The following GAK variants were observed in gnomAD, a reference collection of about 807,000 sequenced individuals.
The protein encoded by GAK is cyclin G associated kinase.
GAK carries 79 observed loss-of-function variants against 143.9 expected under a neutral mutation model. The ratio of observed to expected loss-of-function variants is 0.55; its 90% CI spans 0.46 to 0.66. The LOEUF (loss-of-function observed/expected upper bound fraction) is 0.66. GAK is among the 30% of genes least tolerant of loss of function. The probability of loss-of-function intolerance (pLI) is 0.00; values close to 1 mark genes in which losing one functional copy is unlikely to be tolerated. For missense variants in GAK, 1,693 were observed against 1,779.7 expected (o/e 0.95, Z 0.88); for synonymous variants, 881 against 765.5 (o/e 1.15, Z -2.49).
rs901687915 is a variant in GAK at position 883,209 on chromosome 4, C to T, written c.1404+106G>A. The T allele has an allele frequency of 4.6e-5, 63 of 1,356,308 alleles. No individual in the cohort carries two copies. The Admixed American group carries it at 6.4e-4, about 14-fold the overall frequency. 84.0% of individuals were successfully genotyped at this position (1,356,308 alleles called of 1,614,324 possible). A position where few individuals can be genotyped will look rare whatever the true frequency, so the allele number is the denominator to read the frequency against. On this transcript the variant is annotated intron_variant, in intron 13 of 27. Coordinates refer to ENST00000314167, the MANE Select transcript of GAK (RefSeq NM_005255.4). ...TGCAGCCCCTCAGGAGACCTCCGGC[C>T]GCCCCCATCACAGCCCCACCCTGGC... is the stretch of plus-strand genomic sequence containing the variant.
At chr4:851,323 T>G in intron 25 of GAK, 1 of 451,740 alleles carries the variant, frequency 2.2e-6, no homozygotes, top group Non-Finnish European at 4.1e-6. Flanking sequence ...CTTGAACTCC[T>G]GGGCTCCAGC....
At chr4:902,705 G>A (rs181479780) in intron 5 of GAK, among the ~76,000 whole-genome samples, 1 of 151,170 alleles carries the variant, frequency 6.6e-6, no homozygotes, top group Non-Finnish European at 1.5e-5. Context: ...TAATGGAGAA[G>A]CCTCACAACG....
chr4:903,266 C>T (rs372132170), intron 5 of GAK, among the ~76,000 whole-genome samples: 28 of 151,766 alleles, frequency 1.8e-4, no homozygotes, highest in African/African-American at 5.6e-4. Context: ...GCCCACATCA[C>T]GCCAACCCCG....
chr4:882,834 C>A lies in GAK; in HGVS notation c.1405-15G>T. 1 of 1,605,006 alleles carries A rather than the reference C, an allele frequency of 6.2e-7. No homozygotes were observed. Among genetic ancestry groups the A allele is most frequent in the South Asian group, 1.1e-5 (1 of 90,886 alleles). The stretch of plus-strand genomic sequence containing the variant: ...CACTCGGAGACCTGTGGGGACAGGG[C>A]ACGGTGGCACGGACGGCAGAGGAGC... On this transcript the variant is annotated splice_polypyrimidine_tract_variant and intron_variant, in intron 13 of 27. Coordinates refer to ENST00000314167, the MANE Select transcript of GAK (RefSeq NM_005255.4).
At chr4:919,951 G>A (rs1375131792) in intron 1 of GAK, among the ~76,000 whole-genome samples, 4 of 152,164 alleles carry the variant, frequency 2.6e-5, no homozygotes, top group Admixed American at 6.5e-5. Flanking sequence ...AGGAGTTTGA[G>A]GCTGCAGTGA....
At chr4:920,299 G>A (rs1455668171) in intron 1 of GAK, among the ~76,000 whole-genome samples, 1 of 147,872 alleles carries the variant, frequency 6.8e-6, no homozygotes, top group Non-Finnish European at 1.5e-5. Context: ...CAGAGCAAAA[G>A]TCCATCTCAA....
rs139051032 is a variant in GAK at position 867,184 on chromosome 4, C to T, written c.2644G>A (p.Asp882Asn). The change falls in exon 21 of 28, where the codon GAC becomes AAC. Residue 882 changes from aspartate to asparagine, a missense_variant. Coordinates refer to ENST00000314167, the MANE Select transcript of GAK (RefSeq NM_005255.4). Reference sequence around the variant, plus strand: ...ACCTCGGAGTGCAGGCCCAGGAGGTCGACCCCGTCTTCCTGTGGCACAGGC... The same window carrying T: ...ACCTCGGAGTGCAGGCCCAGGAGGTTGACCCCGTCTTCCTGTGGCACAGGC... ...PEPVPQEDGV[D>N]LLGLHSEVGA... The T allele has an allele frequency of 9.3e-6, 15 of 1,608,868 alleles. No homozygotes were observed. Among genetic ancestry groups the T allele is most frequent in the Admixed American group, 3.4e-5 (2 of 59,618 alleles).
Position 911,683 on chromosome 4 carries a change from C to T in GAK, c.372G>A (p.Glu124=), listed in dbSNP as rs779805143. 51 of 1,613,056 alleles carry T rather than the reference C, an allele frequency of 3.2e-5. No individual in the cohort carries two copies. The highest frequency in any genetic ancestry group is 2.6e-4 in the South Asian group (24 of 91,062). The change falls in exon 4 of 28, where the codon GAG becomes GAA. Residue 124 remains glutamate, a synonymous_variant. Coordinates refer to ENST00000314167, the MANE Select transcript of GAK (RefSeq NM_005255.4). ...TTCACAGGACGTTACCTTTACAGAG[C>T]TCTGTGAGCAAGAGGAACTCAGCCT... ...TGQAEFLLLT[E]LCKGQLVEFL...
intron 1 of GAK, among the ~76,000 whole-genome samples, chr4:930,707 C>T (rs930320158): frequency 1.4e-4 from 22 of 151,972 alleles, no homozygotes; most frequent in African/African-American, 4.8e-4. Context: ...AGAAATCTTC[C>T]AACTGATGTG....
intron 13 of GAK, among the ~76,000 whole-genome samples, 199 bp from the exon 14 acceptor site, chr4:883,018 G>A (rs11731840): frequency 0.044 from 6,636 of 152,356 alleles, 170 homozygotes; most frequent in Middle Eastern, 0.075. Context: ...CCTGGGCTTT[G>A]GGTCCCTTTG....
chr4:891,115 C>T (rs1004389831), intron 9 of GAK, among the ~76,000 whole-genome samples: 4 of 152,092 alleles, frequency 2.6e-5, no homozygotes, highest in South Asian at 2.1e-4. Flanking sequence ...TGCGCCACCA[C>T]GCCTGGCTAA....
At chr4:891,265 TTTC>T (rs1159141743) in intron 9 of GAK, among the ~76,000 whole-genome samples, 1 of 151,852 alleles carries the variant, frequency 6.6e-6, no homozygotes, top group African/African-American at 2.4e-5. Flanking sequence ...CCAGGCTTTT[TTTC>T]TTTTTTTTTT....
At chr4:915,178 C>T (rs867049217) in intron 1 of GAK, among the ~76,000 whole-genome samples, 1 of 148,724 alleles carries the variant, frequency 6.7e-6, no homozygotes, top group Admixed American at 6.7e-5. Context: ...CCCACACACA[C>T]AGCCCCAGCA....
rs1035428225 is a variant in GAK, at chr4:932,308, G to C, written c.-121C>G. The stretch of plus-strand genomic sequence containing the variant: ...GAGGTGCACCATCTTCCGCCTCGAC[G>C]CCGTGACGTAGGCGCCCGTGAGGAC... On this transcript the variant is annotated 5_prime_UTR_variant, in exon 1 of 28. Coordinates refer to ENST00000314167, the MANE Select transcript of GAK (RefSeq NM_005255.4). This position sits in a 1 kb window ranked among gnomAD's most constrained non-coding sequence, Gnocchi z 4.0. 1 of 1,377,908 alleles carries C rather than the reference G, an allele frequency of 7.3e-7. No individual in the cohort carries two copies. The highest frequency in any genetic ancestry group is 3.7e-5 in the Admixed American group (1 of 26,824). The allele number at this position is 1,377,908 out of a possible 1,614,324, so 85.4% of individuals were successfully genotyped here.
At position 865,690 on chromosome 4, in the gene GAK, C is replaced by T. The variant is rs958394055; in HGVS notation, c.3044-446G>A. On this transcript the variant is annotated intron_variant, in intron 22 of 27. Transcript: ENST00000314167. ...CACGCAGCACACCTCTGGCGGCACC[C>T]GCCCCAACGCTGCAAGGCTGCACTC... Among the ~76,000 whole-genome samples, 8 of 152,358 alleles carry T rather than the reference C, an allele frequency of 5.3e-5. No individual in the cohort carries two copies. In the South Asian group the frequency reaches 8.3e-4, roughly 16 times the overall value.
intron 4 of GAK, among the ~76,000 whole-genome samples, chr4:907,389 G>C (rs1367692871): frequency 1.3e-5 from 2 of 152,174 alleles, no homozygotes; most frequent in Non-Finnish European, 2.9e-5. Flanking sequence ...AAAAATGAGG[G>C]GCACCCATAG....
rs920005819 is a variant in GAK, at chr4:925,825, C to T, written c.145+6218G>A. Among the ~76,000 whole-genome samples, 8 of 152,220 alleles carry T rather than the reference C, an allele frequency of 5.3e-5. No homozygotes were observed. In the South Asian group the frequency reaches 1.4e-3, roughly 28 times the overall value. On this transcript the variant is annotated intron_variant, in intron 1 of 27. Coordinates refer to ENST00000314167, the MANE Select transcript of GAK (RefSeq NM_005255.4). The stretch of plus-strand genomic sequence containing the variant: ...TGCAGAGCCGTGAGGAATAAACAAA[C>T]GTCTGTGGTTTATAGGCCCCCAGTG...
Position 877,108 on chromosome 4 carries a change from G to A in GAK, c.1956C>T (p.Gly652=). Reference sequence around the variant, plus strand: ...CTCTCACCTTGGCCTGCAGCCGGCCGCCCAGAGTGGACCGGGCGTGATAGA... The same window carrying A: ...CTCTCACCTTGGCCTGCAGCCGGCCACCCAGAGTGGACCGGGCGTGATAGA... ...IVIYHARSTL[G]GRLQAKMASM... is the part of the protein sequence containing the mutation. Residue 652 remains glycine, a synonymous_variant, in exon 17 of 28, where the codon GGC becomes GGT. Coordinates refer to ENST00000314167, the MANE Select transcript of GAK (RefSeq NM_005255.4). 5 of 1,612,646 alleles carry A rather than the reference G, an allele frequency of 3.1e-6. No individual in the cohort carries two copies. The highest frequency in any genetic ancestry group is 2.2e-5 in the East Asian group (1 of 44,854).
intron 1 of GAK, among the ~76,000 whole-genome samples, chr4:914,499 A>C (rs1577297065): frequency 1.4e-5 from 1 of 69,916 alleles, no homozygotes; most frequent in Non-Finnish European, 2.6e-5. Flanking sequence ...CCCAGCGTGC[A>C]CGGCCCCACA....
Sources: allele counts gnomAD v4.1 joint callset (sites outside exome capture counted in the v4.1 genomes callset), GRCh38; gene constraint gnomAD v4.1.1; non-coding constraint Gnocchi (gnomAD v3.1); transcripts MANE v1.5; gene names NCBI Gene and HGNC (gene_info 2026-07-23, HGNC 2026-07-21).